Variants in VAV3 observed in about 807,000 individuals in gnomAD.
The protein encoded by VAV3 is vav guanine nucleotide exchange factor 3, also known as guanine nucleotide exchange factor VAV3.
In VAV3, 94 loss-of-function variants were observed where a neutral mutation model predicts 131.2. The observed-to-expected ratio is 0.72, with a 90% CI of 0.61 to 0.85. The LOEUF is 0.85. Among genes scored for constraint, VAV3 ranks in the 40% least tolerant of loss-of-function variants. The probability of loss-of-function intolerance (pLI) is 0.00; values close to 1 mark genes in which losing one functional copy is unlikely to be tolerated. For missense variants in VAV3, 939 were observed against 1,002.7 expected, an observed-to-expected ratio of 0.94 and a Z score of 0.86; for synonymous variants, 349 against 342.0, an observed-to-expected ratio of 1.02 and a Z score of -0.22.
chr1:107,663,596 C>T (rs1657195505), intron 19 of VAV3, among the ~76,000 whole-genome samples: 1 of 152,110 alleles, frequency 6.6e-6, no homozygotes, highest in African/African-American at 2.4e-5. Context: ...AAGATAATTG[C>T]CTATAAAGTG....
intron 1 of VAV3, among the ~76,000 whole-genome samples, chr1:107,901,034 C>T (rs923971555): frequency 3.3e-5 from 5 of 152,126 alleles, no homozygotes; most frequent in Admixed American, 6.5e-5. Context: ...ATAAGATATG[C>T]CAGACTGTAC....
intron 17 of VAV3, 63 bp from the exon 18 acceptor site, chr1:107,688,469 A>G: frequency 6.2e-7 from 1 of 1,607,556 alleles, no homozygotes; most frequent in African/African-American, 1.3e-5. Context: ...TAGCAACCTT[A>G]GCTTTCTCTG....
chr1:107,760,686 G>A, intron 10 of VAV3, 98 bp downstream of exon 10: 1 of 876,530 alleles, frequency 1.1e-6, no homozygotes, highest in Non-Finnish European at 1.8e-6. Flanking sequence ...AAGGGGATTG[G>A]GCCCAACACA....
At chr1:107,648,994 A>T (rs1446418332) in intron 19 of VAV3, among the ~76,000 whole-genome samples, 1 of 152,016 alleles carries the variant, frequency 6.6e-6, no homozygotes, top group Non-Finnish European at 1.5e-5. Flanking sequence ...ATACTAGGCA[A>T]ATTCCAGGAG....
At chr1:107,716,284 C>T in intron 15 of VAV3, among the ~76,000 whole-genome samples, 1 of 152,154 alleles carries the variant, frequency 6.6e-6, no homozygotes, top group East Asian at 1.9e-4. Context: ...AAGGCATATT[C>T]ACTATAAACA....
intron 25 of VAV3, among the ~76,000 whole-genome samples, chr1:107,585,610 TTCTC>T (rs1650420312): frequency 6.6e-6 from 1 of 152,122 alleles, no homozygotes; most frequent in African/African-American, 2.4e-5. Flanking sequence ...GCACTGACAG[TTCTC>T]TCTTTCACCT....
chr1:107,702,775 C>T (rs138619788), intron 17 of VAV3, among the ~76,000 whole-genome samples: 60 of 142,260 alleles, frequency 4.2e-4, no homozygotes, highest in African/African-American at 1.2e-3. Context: ...AATAAAAATA[C>T]TAAATAAGCC....
At chr1:107,657,079 G>A (rs891281827) in intron 19 of VAV3, among the ~76,000 whole-genome samples, 1 of 150,558 alleles carries the variant, frequency 6.6e-6, no homozygotes, top group African/African-American at 2.4e-5. Flanking sequence ...CTCAGCCTCC[G>A]AAGTAGCTGG....
chr1:107,614,367 G>A (rs762487341), intron 21 of VAV3, among the ~76,000 whole-genome samples: 1 of 151,762 alleles, frequency 6.6e-6, no homozygotes, highest in African/African-American at 2.4e-5. Flanking sequence ...CATGGACCCC[G>A]ATAAACAATA....
At chr1:107,766,175 G>A (rs1331117371) in intron 8 of VAV3, among the ~76,000 whole-genome samples, 1 of 152,152 alleles carries the variant, frequency 6.6e-6, no homozygotes, top group African/African-American at 2.4e-5. Context: ...GATAAAGCCT[G>A]TAAAAGAAAC....
intron 13 of VAV3, among the ~76,000 whole-genome samples, chr1:107,750,454 T>G (rs1663641678): frequency 6.6e-6 from 1 of 152,204 alleles, no homozygotes; most frequent in South Asian, 2.1e-4. Context: ...ACAATGATAA[T>G]GACACATTCA....
intron 25 of VAV3, among the ~76,000 whole-genome samples, chr1:107,577,613 C>T (rs1016931076): frequency 9.9e-5 from 15 of 152,200 alleles, no homozygotes; most frequent in South Asian, 2.1e-4. Context: ...AGTGGACACA[C>T]GCCTTTGCCT....
At position 107,909,007 on chromosome 1, in the gene VAV3, A is replaced by C. The variant is rs540305961; in HGVS notation, c.205-33990T>G. Among the ~76,000 whole-genome samples the C allele has an allele frequency of 2.0e-5, 3 of 152,290 alleles. No homozygotes were observed. In the South Asian group the frequency reaches 6.2e-4, roughly 32 times the overall value. ...TATTCCATTAAATTATATACTTTACATCCTGTTAAAGACATGAGGGAAAAG... is the reference window on the plus strand; with the variant it reads ...TATTCCATTAAATTATATACTTTACCTCCTGTTAAAGACATGAGGGAAAAG... On this transcript the variant is annotated intron_variant, in intron 1 of 26. Transcript: ENST00000370056.
At chr1:107,922,749 G>A (rs1018349738) in intron 1 of VAV3, among the ~76,000 whole-genome samples, 2 of 151,090 alleles carry the variant, frequency 1.3e-5, no homozygotes, top group African/African-American at 2.4e-5. Flanking sequence ...TCAGGAGATC[G>A]AGACCATCCT....
chr1:107,646,470 A>G (rs1167866339), intron 19 of VAV3, among the ~76,000 whole-genome samples: 2 of 152,050 alleles, frequency 1.3e-5, no homozygotes, highest in Non-Finnish European at 2.9e-5. Context: ...CTTTCACCAT[A>G]TGTATTTGGG....
chr1:107,687,450 C>T (rs887213216), intron 18 of VAV3, among the ~76,000 whole-genome samples: 8 of 151,974 alleles, frequency 5.3e-5, no homozygotes, highest in African/African-American at 7.3e-5. Flanking sequence ...TAATTTTCAT[C>T]GTTACTTTGA....
intron 1 of VAV3, among the ~76,000 whole-genome samples, chr1:107,932,840 A>C (rs1673509191): frequency 6.6e-6 from 1 of 152,228 alleles, no homozygotes; most frequent in South Asian, 2.1e-4. Context: ...GAAGTTGAAG[A>C]AAGCAAGAAA....
At chr1:107,718,070 G>C (rs1661228562) in intron 15 of VAV3, among the ~76,000 whole-genome samples, 1 of 151,998 alleles carries the variant, frequency 6.6e-6, no homozygotes, top group South Asian at 2.1e-4. Context: ...AATAATAAGA[G>C]GTATTTATGA....
At chr1:107,696,949 C>G (rs1218954832) in intron 17 of VAV3, among the ~76,000 whole-genome samples, 1 of 152,066 alleles carries the variant, frequency 6.6e-6, no homozygotes. Context: ...TCCTGGATGC[C>G]CAAAGGATCA....
Sources: allele counts gnomAD v4.1 joint callset (sites outside exome capture counted in the v4.1 genomes callset), GRCh38; gene constraint gnomAD v4.1.1; transcripts MANE v1.5; gene names NCBI Gene and HGNC (gene_info 2026-07-23, HGNC 2026-07-21).